The following OIP5 variants were observed in gnomAD, a reference collection of about 807,000 sequenced individuals.
OIP5 encodes protein Mis18-beta.
Under a neutral mutation model 20.3 loss-of-function variants are expected in OIP5, and 24 were observed. That is an observed-to-expected ratio of 1.18 (90% CI 0.86 to 1.66). The LOEUF (loss-of-function observed/expected upper bound fraction) is 1.66. OIP5 is among the 40% of genes most tolerant of loss of function. The pLI is 0.00. For missense variants in OIP5, 339 were observed against 289.5 expected (o/e 1.17, Z -1.24); for synonymous variants, 143 against 121.3 (o/e 1.18, Z -1.17).
intron 4 of OIP5, among the ~76,000 whole-genome samples, chr15:41,311,826 A>ACAACAACCTCCATCTCGCAGGTTC (rs1555423859): frequency 6.9e-6 from 1 of 144,716 alleles, no homozygotes. Flanking sequence ...TCGGCTTCTC[A>ACAACAACCTCCATCTCGCAGGTTC]AAGTGCTGGG....
chr15:41,321,729 G>A (rs911387224), intron 2 of OIP5, among the ~76,000 whole-genome samples: 10 of 151,518 alleles, frequency 6.6e-5, no homozygotes, highest in Non-Finnish European at 1.3e-4. Context: ...AAGGCAGCAT[G>A]CTCCTTAAGA....
intron 2 of OIP5, among the ~76,000 whole-genome samples, chr15:41,320,933 C>A (rs1262763885): frequency 6.6e-6 from 1 of 151,362 alleles, no homozygotes; most frequent in Non-Finnish European, 1.5e-5. Context: ...CTCTGCCCTG[C>A]CGCCCCGTCT....
At position 41,326,555 on chromosome 15, in the gene OIP5, G is replaced by A. The variant is rs182239732; in HGVS notation, c.389+5360C>T. Among the ~76,000 whole-genome samples, 41 of 152,258 alleles carry A rather than the reference G, an allele frequency of 2.7e-4. No homozygotes were observed. The East Asian group carries it at 7.1e-3, about 27-fold the overall frequency. On this transcript the variant is annotated intron_variant, in intron 2 of 4. Coordinates refer to ENST00000220514, the MANE Select transcript of OIP5 (RefSeq NM_007280.2). ...TCTCCTGACTCGGCCTCCCAAGTGA[G>A]TAGCTGGGATTACAGGCGTGCACCA...
At chr15:41,312,468 A>T (rs907225977) in intron 4 of OIP5, among the ~76,000 whole-genome samples, 1 of 146,472 alleles carries the variant, frequency 6.8e-6, no homozygotes, top group Non-Finnish European at 1.5e-5. Context: ...GGCAAGAATT[A>T]TTTTTTTTTG....
At chr15:41,324,300 T>C (rs1418046249) in intron 2 of OIP5, among the ~76,000 whole-genome samples, 1 of 151,954 alleles carries the variant, frequency 6.6e-6, no homozygotes, top group African/African-American at 2.4e-5. Context: ...GAGCCAACAT[T>C]TGATACTCTA....
chr15:41,310,847 G>A (rs1271858154), intron 4 of OIP5, among the ~76,000 whole-genome samples: 3 of 152,096 alleles, frequency 2.0e-5, no homozygotes, highest in Non-Finnish European at 4.4e-5. Flanking sequence ...TTCTACTAAT[G>A]GTCTGCAAAG....
intron 2 of OIP5, among the ~76,000 whole-genome samples, chr15:41,322,529 TGGGACTACA>T (rs1202157239): frequency 6.6e-6 from 1 of 152,146 alleles, no homozygotes; most frequent in Non-Finnish European, 1.5e-5. Flanking sequence ...TTCCCAAAGC[TGGGACTACA>T]GGTGCATGCT....
chr15:41,326,153 C>T (rs2047860633), intron 2 of OIP5, among the ~76,000 whole-genome samples: 1 of 152,132 alleles, frequency 6.6e-6, no homozygotes, highest in African/African-American at 2.4e-5. Context: ...CAGAGTGTGA[C>T]TCCATCTCAA....
At chr15:41,327,259 G>A (rs2047867625) in intron 2 of OIP5, among the ~76,000 whole-genome samples, 3 of 151,122 alleles carry the variant, frequency 2.0e-5, no homozygotes, top group Non-Finnish European at 4.4e-5. Context: ...TCGGCTCACT[G>A]CAACCTCCGC....
At chr15:41,321,144 G>A (rs1226147070) in intron 2 of OIP5, among the ~76,000 whole-genome samples, 3 of 151,272 alleles carry the variant, frequency 2.0e-5, no homozygotes, top group Non-Finnish European at 4.4e-5. Flanking sequence ...CCCTGTCGGG[G>A]AGGGAGGTGG....
chr15:41,323,362 A>T (rs565251082), intron 2 of OIP5, among the ~76,000 whole-genome samples: 25 of 152,244 alleles, frequency 1.6e-4, no homozygotes, highest in Non-Finnish European at 2.6e-4. Context: ...AAGGTTTTTG[A>T]TTTACTTTGC....
chr15:41,321,189 CAGGA>C (rs2047823050), intron 2 of OIP5, among the ~76,000 whole-genome samples: 2 of 150,974 alleles, frequency 1.3e-5, no homozygotes, highest in Non-Finnish European at 3.0e-5. Flanking sequence ...CCGCCCCGTC[CAGGA>C]GGGAGGTGGG....
chr15:41,313,417 C>G (rs574587302), intron 3 of OIP5, 63 bp from the exon 4 acceptor site: 4 of 905,246 alleles, frequency 4.4e-6, no homozygotes, highest in Non-Finnish European at 6.9e-6. Flanking sequence ...AAGAACCAAA[C>G]TTACCTTCTA....
chr15:41,314,504 C>A (rs1477348948), intron 3 of OIP5, among the ~76,000 whole-genome samples: 1 of 151,990 alleles, frequency 6.6e-6, no homozygotes, highest in Non-Finnish European at 1.5e-5. Flanking sequence ...TTCTGGCCAA[C>A]AAGGGTAAGA....
chr15:41,324,657 T>G (rs1194869239), intron 2 of OIP5, among the ~76,000 whole-genome samples: 1 of 151,992 alleles, frequency 6.6e-6, no homozygotes, highest in Non-Finnish European at 1.5e-5. Flanking sequence ...GCCCGGCTAA[T>G]TTTGTATTTT....
chr15:41,321,141 G>A (rs1309831364), intron 2 of OIP5, among the ~76,000 whole-genome samples: 7 of 150,018 alleles, frequency 4.7e-5, no homozygotes, highest in African/African-American at 1.2e-4. Flanking sequence ...CCACCCTGTC[G>A]GGGAGGGAGG....
rs373000681 is a variant in OIP5 at position 41,332,425 on chromosome 15, C to T, written c.137G>A (p.Gly46Glu). ...CCCTGCGGGGCCGAGCGGCGAGGAC[C>T]CCTTCACCACCTGCGTATCCCACTC... ...SMEWDTQVVK[G>E]SSPLGPAGLG... The change falls in exon 1 of 5, where the codon GGG becomes GAG. Residue 46 changes from glycine to glutamate, a missense_variant. By Grantham distance (98) the Gly-to-Glu change is moderately conservative. Transcript: ENST00000220514. 1.4e-5 allele frequency: 23 copies of T among 1,613,926 alleles called. No individual in the cohort carries two copies. The highest frequency in any genetic ancestry group is 1.9e-5 in the Non-Finnish European group (23 of 1,179,916).
At chr15:41,322,162 A>C (rs1046258691) in intron 2 of OIP5, among the ~76,000 whole-genome samples, 2 of 152,148 alleles carry the variant, frequency 1.3e-5, no homozygotes, top group African/African-American at 4.8e-5. Flanking sequence ...TTGGTCAGGC[A>C]CAGTGGTTCA....
intron 2 of OIP5, among the ~76,000 whole-genome samples, chr15:41,321,314 C>A (rs1405194283): frequency 3.3e-5 from 5 of 150,710 alleles, no homozygotes. Context: ...GGGTCAGCCC[C>A]CCGCCCGGCC....
Sources: gnomAD v4.1 joint callset for allele counts (sites outside exome capture counted in the v4.1 genomes callset) on GRCh38, gnomAD v4.1.1 for gene constraint, MANE v1.5 for transcripts, NCBI Gene and HGNC (gene_info 2026-07-23, HGNC 2026-07-21) for gene names.